Variants in TASP1 observed in about 807,000 individuals in gnomAD.
TASP1 encodes the protein taspase 1.
In TASP1, 16 loss-of-function variants were observed where a neutral mutation model predicts 56.6. That is an observed-to-expected ratio of 0.28 (90% CI 0.19 to 0.43). The LOEUF (loss-of-function observed/expected upper bound fraction) is 0.43. TASP1 is among the 20% of genes least tolerant of loss of function. TASP1 has a pLI of 1.00. For synonymous variants in TASP1, 179 were observed against 184.2 expected (o/e 0.97, Z 0.23); for missense variants, 393 against 511.6 (o/e 0.77, Z 2.24).
chr20:13,450,621 G>T (rs2043582715), intron 11 of TASP1, among the ~76,000 whole-genome samples: 1 of 152,038 alleles, frequency 6.6e-6, no homozygotes, highest in South Asian at 2.1e-4. Flanking sequence ...TCATAAAATT[G>T]CAGCAATTCA....
At chr20:13,516,992 G>A (rs919593042) in intron 10 of TASP1, among the ~76,000 whole-genome samples, 2 of 151,964 alleles carry the variant, frequency 1.3e-5, no homozygotes, top group Non-Finnish European at 2.9e-5. Flanking sequence ...AGAGAAAGGT[G>A]GCAAGAAGGG....
intron 11 of TASP1, among the ~76,000 whole-genome samples, chr20:13,469,296 TG>T (rs1379418209): frequency 6.6e-6 from 1 of 152,198 alleles, no homozygotes; most frequent in African/African-American, 2.4e-5. Context: ...CAATCATCTC[TG>T]CTACTTAAAA....
the TASP1 span, among the ~76,000 whole-genome samples, chr20:13,323,717 A>C: frequency 2.0e-5 from 3 of 152,216 alleles, no homozygotes; most frequent in African/African-American, 7.2e-5. Context: ...AATTACTAAA[A>C]GAATGTTCTT....
chr20:13,196,091 A>G, the TASP1 span, among the ~76,000 whole-genome samples: 13 of 152,200 alleles, frequency 8.5e-5, no homozygotes, highest in Non-Finnish European at 1.9e-4. Context: ...AAGCAAAAGA[A>G]AAGAAACACA....
intron 4 of TASP1, among the ~76,000 whole-genome samples, chr20:13,587,680 G>A (rs1349163881): frequency 1.3e-5 from 2 of 151,652 alleles, no homozygotes; most frequent in Non-Finnish European, 2.9e-5. Flanking sequence ...GAAAATCAAT[G>A]TAATACCCTG....
the TASP1 span, among the ~76,000 whole-genome samples, chr20:13,174,631 C>T: frequency 7.3e-5 from 11 of 150,932 alleles, no homozygotes; most frequent in African/African-American, 2.2e-4. Context: ...CCTGGGAAGT[C>T]GAAGCTGCAG....
chr20:13,455,181 A>T (rs1189299911), intron 11 of TASP1, among the ~76,000 whole-genome samples: 1 of 152,154 alleles, frequency 6.6e-6, no homozygotes. Flanking sequence ...AGTAAATCTT[A>T]TAATTTAACA....
At chr20:13,263,346 C>A in the TASP1 span, among the ~76,000 whole-genome samples, 16 of 152,134 alleles carry the variant, frequency 1.1e-4, no homozygotes, top group Non-Finnish European at 1.6e-4. Context: ...CCCACCACCC[C>A]CTGCTTCCAC....
chr20:13,433,683 C>CA (rs1788208626), intron 12 of TASP1, among the ~76,000 whole-genome samples: 1 of 151,718 alleles, frequency 6.6e-6, no homozygotes, highest in Non-Finnish European at 1.5e-5. Context: ...ATAAAAAACA[C>CA]ACAGTCTTCT....
At chr20:13,154,764 AG>A in the TASP1 span, among the ~76,000 whole-genome samples, 26 of 152,344 alleles carry the variant, frequency 1.7e-4, no homozygotes, top group South Asian at 5.0e-3. Context: ...AAACAGCATT[AG>A]CAACAACTGC....
chr20:13,233,557 T>A, the TASP1 span, among the ~76,000 whole-genome samples: 2 of 147,870 alleles, frequency 1.4e-5, no homozygotes, highest in Non-Finnish European at 3.0e-5. Context: ...ACTGTGCTAT[T>A]GCATTCCTGC....
chr20:13,351,717 C>T, the TASP1 span, among the ~76,000 whole-genome samples: 5 of 152,208 alleles, frequency 3.3e-5, no homozygotes, highest in Admixed American at 3.3e-4. Context: ...GTGGTGGTTA[C>T]TTATATCTAT....
chr20:13,293,711 C>T, the TASP1 span, among the ~76,000 whole-genome samples: 2 of 152,156 alleles, frequency 1.3e-5, no homozygotes. Context: ...CAGTGACTCA[C>T]ATCTGTAATC....
rs146968553 is a variant in TASP1, at chr20:13,531,221, A to C, written c.796-2710T>G. Among the ~76,000 whole-genome samples, 706 of 152,282 alleles carry C rather than the reference A, an allele frequency of 4.6e-3. 3 individuals carry two copies. Among genetic ancestry groups the C allele is most frequent in the Non-Finnish European group, 6.3e-3 (430 of 68,036 alleles). ...GGTTATCCCCATTTTACAGAGGTGG[A>C]AAGTGGAGCTGAAAGATGTTAAGTA... is the stretch of plus-strand genomic sequence containing the variant. On this transcript the variant is annotated intron_variant, in intron 9 of 13. Transcript: ENST00000337743.
the TASP1 span, among the ~76,000 whole-genome samples, chr20:13,379,552 C>T: frequency 1.3e-5 from 2 of 152,006 alleles, no homozygotes; most frequent in East Asian, 3.9e-4. Context: ...AAACATGCGT[C>T]TCGTGGTTCC....
chr20:13,567,618 T>C (rs2046578668), intron 7 of TASP1, among the ~76,000 whole-genome samples: 1 of 151,292 alleles, frequency 6.6e-6, no homozygotes. Flanking sequence ...AACATGGGAA[T>C]TAAGAGCTTC....
chr20:13,393,614 C>G, intron 13 of TASP1: 1 of 1,173,018 alleles, frequency 8.5e-7, no homozygotes, highest in South Asian at 1.2e-5. Flanking sequence ...GGTGTGACAA[C>G]GAATTTGGCT....
At chr20:13,180,867 T>C in the TASP1 span, among the ~76,000 whole-genome samples, 1 of 152,210 alleles carries the variant, frequency 6.6e-6, no homozygotes, top group Non-Finnish European at 1.5e-5. Flanking sequence ...ATGAACCCAA[T>C]GATCTGGTTA....
chr20:13,163,103 C>T, the TASP1 span, among the ~76,000 whole-genome samples: 1 of 152,126 alleles, frequency 6.6e-6, no homozygotes, highest in African/African-American at 2.4e-5. Flanking sequence ...CGCAGTGGCT[C>T]ACGCCTATAA....
Sources: gnomAD v4.1 joint callset for allele counts (sites outside exome capture counted in the v4.1 genomes callset) on GRCh38, gnomAD v4.1.1 for gene constraint, MANE v1.5 for transcripts, NCBI Gene and HGNC (gene_info 2026-07-23, HGNC 2026-07-21) for gene names.